The following TPH2 variants were observed in gnomAD, a reference collection of about 807,000 sequenced individuals.
TPH2 encodes tryptophan 5-hydroxylase 2.
Under a neutral mutation model 59.1 loss-of-function variants are expected in TPH2, and 27 were observed. That is an observed-to-expected ratio of 0.46 (90% CI 0.34 to 0.63). TPH2 has a LOEUF of 0.63. Among genes scored for constraint, TPH2 ranks in the 30% least tolerant of loss-of-function variants. The pLI, the probability that TPH2 is intolerant of heterozygous loss-of-function variation, is 0.01. For missense variants in TPH2, 523 were observed against 588.3 expected, an observed-to-expected ratio of 0.89 and a Z score of 1.15; for synonymous variants, 220 against 210.5, an observed-to-expected ratio of 1.05 and a Z score of -0.39.
chr12:72,003,810 A>G (rs957257764), intron 8 of TPH2, among the ~76,000 whole-genome samples: 21 of 152,342 alleles, frequency 1.4e-4, no homozygotes, highest in African/African-American at 5.1e-4. Context: ...TACATTTGCA[A>G]TCTGGAATAG....
At chr12:71,978,807 C>T (rs1226934391) in intron 6 of TPH2, 145 bp from the exon 7 acceptor site, 7 of 971,738 alleles carry the variant, frequency 7.2e-6, no homozygotes. Context: ...TAGCTGTTAA[C>T]AGTATATGTC....
chr12:71,989,106 A>C (rs1312156655), intron 7 of TPH2, among the ~76,000 whole-genome samples: 1 of 151,620 alleles, frequency 6.6e-6, no homozygotes, highest in Admixed American at 6.6e-5. Context: ...TTATTAAAAA[A>C]AAAAAAAAAA....
intron 9 of TPH2, 91 bp from the exon 10 acceptor site, chr12:72,031,167 C>T (rs1381655508): frequency 1.3e-5 from 19 of 1,513,858 alleles, no homozygotes; most frequent in African/African-American, 6.8e-5. Flanking sequence ...GTAGGATTAC[C>T]GAGCTATCAA....
intron 5 of TPH2, among the ~76,000 whole-genome samples, chr12:71,966,827 C>T (rs1449766604): frequency 1.3e-5 from 2 of 152,112 alleles, no homozygotes; most frequent in African/African-American, 2.4e-5. Flanking sequence ...GAATTGCTTC[C>T]CCACACTGAA....
intron 5 of TPH2, chr12:71,964,612 T>C (rs1333257997): frequency 5.1e-6 from 5 of 985,332 alleles, no homozygotes; most frequent in Non-Finnish European, 6.0e-6. Context: ...TACTATTTCA[T>C]GAAGGTGGTA....
chr12:71,967,445 T>C lies in TPH2; in HGVS notation c.609-5074T>C, dbSNP rs34599234. On this transcript the variant is annotated intron_variant, in intron 5 of 10. Coordinates refer to ENST00000333850, the MANE Select transcript of TPH2 (RefSeq NM_173353.4). ...GACCATCTTAGCTTCTTTCTAGTAC[T>C]GCCGTCGCTGAACACTGGTTCCATA... Among the ~76,000 whole-genome samples, 1,459 of 152,336 alleles carry C rather than the reference T, an allele frequency of 9.6e-3. 16 individuals carry two copies. Among genetic ancestry groups the C allele is most frequent in the Non-Finnish European group, 0.013 (866 of 68,022 alleles).
chr12:71,943,121 AAT>A (rs1326506115), intron 2 of TPH2, among the ~76,000 whole-genome samples: 1 of 152,186 alleles, frequency 6.6e-6, no homozygotes, highest in African/African-American at 2.4e-5. Flanking sequence ...ACTTAATCTT[AAT>A]ATTATTATCA....
At chr12:72,018,863 A>G (rs566145283) in intron 8 of TPH2, among the ~76,000 whole-genome samples, 9 of 152,356 alleles carry the variant, frequency 5.9e-5, no homozygotes, top group African/African-American at 2.2e-4. Flanking sequence ...TTAAAATGTG[A>G]CAGATGTTGA....
chr12:71,978,756 C>G (rs1353148037), intron 6 of TPH2, among the ~76,000 whole-genome samples, 196 bp from the exon 7 acceptor site: 3 of 152,124 alleles, frequency 2.0e-5, no homozygotes, highest in Non-Finnish European at 4.4e-5. Context: ...TGGAAACCGT[C>G]ATTTGAGAGT....
At chr12:72,026,980 G>A (rs971033152) in intron 9 of TPH2, among the ~76,000 whole-genome samples, 6 of 151,804 alleles carry the variant, frequency 4.0e-5, no homozygotes, top group Non-Finnish European at 5.9e-5. Flanking sequence ...TGACTGTGAT[G>A]TGAGTGTAAA....
chr12:71,960,696 A>G (rs2139194223), intron 5 of TPH2, among the ~76,000 whole-genome samples: 1 of 152,340 alleles, frequency 6.6e-6, no homozygotes, highest in East Asian at 1.9e-4. Flanking sequence ...ACATTAACGC[A>G]ATATGGTCCT....
chr12:71,998,685 T>A (rs1374488774), intron 8 of TPH2, among the ~76,000 whole-genome samples: 2 of 152,232 alleles, frequency 1.3e-5, no homozygotes, highest in East Asian at 3.9e-4. Flanking sequence ...GGATAAAAAG[T>A]CTATGGCAGG....
chr12:72,030,169 T>G (rs1361799597), intron 9 of TPH2, among the ~76,000 whole-genome samples: 2 of 152,084 alleles, frequency 1.3e-5, no homozygotes, highest in Non-Finnish European at 2.9e-5. Context: ...GCTACCCCAT[T>G]TTTTCTCTCT....
In TPH2 at chr12:71,994,467, G is replaced by C. The variant is rs1055143660; in HGVS notation, c.970G>C (p.Val324Leu). ...PDTCHELLGH[V>L]PLLADPKFAQ... ...CACATGCCATGAACTCTTGGGACAT[G>C]TTCCACTACTTGCGGATCCTAAGTT... The change falls in exon 8 of 11, where the codon GTT (valine) becomes CTT (leucine). Residue 324 changes from valine (V) to leucine (L), a missense_variant. Transcript: ENST00000333850. The C allele has an allele frequency of 5.0e-6, 8 of 1,613,998 alleles. No individual in the cohort carries two copies. Among genetic ancestry groups the C allele is most frequent in the Non-Finnish European group, 5.9e-6 (7 of 1,179,868 alleles).
chr12:71,952,805 G>A (rs911793264), intron 5 of TPH2, among the ~76,000 whole-genome samples: 1 of 152,122 alleles, frequency 6.6e-6, no homozygotes, highest in African/African-American at 2.4e-5. Context: ...ATTTCACAGG[G>A]TTGTATTAAG....
chr12:72,016,700 G>A (rs1411440497), intron 8 of TPH2, among the ~76,000 whole-genome samples: 1 of 152,100 alleles, frequency 6.6e-6, no homozygotes, highest in African/African-American at 2.4e-5. Flanking sequence ...CTACCAATAT[G>A]CAAGATCAAA....
rs779288303 is a variant in TPH2 at position 72,022,415 on chromosome 12, T to C, written c.1085T>C (p.Ile362Thr). ...TTTCTTCAGTGCTATTTCTTCACAA[T>C]CGAGTTTGGCCTTTGCAAGCAAGAA... ...QKLATCYFFT[I>T]EFGLCKQEGQ... Residue 362 changes from isoleucine (I) to threonine (T), a missense_variant, in exon 9 of 11, where the codon ATC (isoleucine) becomes ACC (threonine). By Grantham distance (89) the Ile-to-Thr change is moderately conservative. Coordinates refer to ENST00000333850, the MANE Select transcript of TPH2 (RefSeq NM_173353.4). 25 of 1,613,816 alleles carry C rather than the reference T, an allele frequency of 1.5e-5. 1 individual carries two copies. In the Admixed American group the frequency reaches 3.2e-4, roughly 20 times the overall value.
intron 7 of TPH2, among the ~76,000 whole-genome samples, chr12:71,984,819 T>C (rs4760817): frequency 0.51 from 77,828 of 152,010 alleles, 20,656 homozygotes; most frequent in Middle Eastern, 0.59. Flanking sequence ...GCTTTGTAAC[T>C]GGTGCACATA....
chr12:71,982,072 C>T (rs1225396159), intron 7 of TPH2, among the ~76,000 whole-genome samples: 2 of 127,224 alleles, frequency 1.6e-5, no homozygotes, highest in Non-Finnish European at 3.2e-5. Context: ...GGTGCAATCT[C>T]AGCTCACGGC....
Sources: allele counts gnomAD v4.1 joint callset (sites outside exome capture counted in the v4.1 genomes callset), GRCh38; gene constraint gnomAD v4.1.1; transcripts MANE v1.5; gene names NCBI Gene and HGNC (gene_info 2026-07-23, HGNC 2026-07-21).